BPIFA2: variants seen among roughly 807,000 people sequenced by gnomAD.
BPIFA2 encodes the protein BPI fold-containing family A member 2.
In BPIFA2, 20 loss-of-function variants were observed where a neutral mutation model predicts 25.7. The observed-to-expected ratio is 0.78, with a 90% confidence interval of 0.55 to 1.13. BPIFA2 has a LOEUF of 1.13. BPIFA2 is among the 50% of genes most tolerant of loss of function. The probability of loss-of-function intolerance (pLI) is 0.00; values close to 1 mark genes in which losing one functional copy is unlikely to be tolerated. For missense variants in BPIFA2, 300 were observed against 298.1 expected (o/e 1.01, Z -0.05); for synonymous variants, 126 against 124.3 (o/e 1.01, Z -0.09).
intron 1 of BPIFA2, among the ~76,000 whole-genome samples, chr20:33,163,002 C>T (rs771044148): frequency 6.6e-6 from 1 of 152,200 alleles, no homozygotes; most frequent in Admixed American, 6.5e-5. Flanking sequence ...AAGAACTGTA[C>T]CTGCTTTGTG....
intron 7 of BPIFA2, among the ~76,000 whole-genome samples, chr20:33,180,157 G>A (rs1488160704): frequency 2.0e-5 from 3 of 151,950 alleles, no homozygotes; most frequent in Admixed American, 1.3e-4. Flanking sequence ...GGCGGACATC[G>A]CAGGTAGCCG....
chr20:33,175,108 A>G (rs1226066276), intron 4 of BPIFA2, among the ~76,000 whole-genome samples: 1 of 152,214 alleles, frequency 6.6e-6, no homozygotes, highest in African/African-American at 2.4e-5. Flanking sequence ...CAGGTAAAAT[A>G]CTTTTTTAAA....
chr20:33,180,626 C>T, intron 8 of BPIFA2, 29 bp downstream of exon 8: 2 of 1,521,080 alleles, frequency 1.3e-6, no homozygotes, highest in Non-Finnish European at 1.8e-6. Context: ...TGCCCCAATG[C>T]ACAGGGGCCT....
At position 33,169,299 on chromosome 20, in the gene BPIFA2, A is replaced by G. The variant is rs774127829; in HGVS notation, c.154A>G (p.Lys52Glu). ...EGLETVDNTL[K>E]GILEKLKVDL... ...ACTTGAGACAGTTGACAATACTCTT[A>G]AAGGTAAATCAACAAGGGTGATGAA... Residue 52 changes from lysine (K) to glutamate (E), a missense_variant, in exon 2 of 9, where the codon AAA becomes GAA. Lys to Glu is a moderately conservative substitution (Grantham distance 56, BLOSUM62 1). Transcript: ENST00000354932. 3.1e-6 allele frequency: 5 copies of G among 1,613,752 alleles called. No individual in the cohort carries two copies. In the East Asian group the frequency reaches 6.7e-5, roughly 22 times the overall value.
chr20:33,172,411 A>AT (rs199625861), intron 2 of BPIFA2, among the ~76,000 whole-genome samples: 1,579 of 152,002 alleles, frequency 0.01, 36 homozygotes, highest in African/African-American at 0.037. Flanking sequence ...TAAAAAAAAA[A>AT]AATTATTATT....
chr20:33,172,961 G>A lies in BPIFA2; in HGVS notation c.187G>A (p.Gly63Arg), dbSNP rs868643433. The A allele has an allele frequency of 6.2e-7, 1 of 1,613,900 alleles. No homozygotes were observed. The highest frequency in any genetic ancestry group is 8.5e-7 in the Non-Finnish European group (1 of 1,179,926). Residue 63 changes from glycine to arginine, a missense_variant, in exon 3 of 9, where the codon GGA becomes AGA. Transcript: ENST00000354932. ...GILEKLKVDL[G>R]VLQKSSAWQL... ...CCTTGAGAAACTGAAGGTCGACCTAGGAGTGCTTCAGAAATCCAGTGCTTG... is the reference window on the plus strand; with the variant it reads ...CCTTGAGAAACTGAAGGTCGACCTAAGAGTGCTTCAGAAATCCAGTGCTTG...
chr20:33,173,251 T>C (rs567787338), intron 3 of BPIFA2, among the ~76,000 whole-genome samples, 175 bp downstream of exon 3: 1 of 152,318 alleles, frequency 6.6e-6, no homozygotes, highest in African/African-American at 2.4e-5. Flanking sequence ...GAGGCAGGGC[T>C]ACAGAGTCAA....
chr20:33,167,742 C>T (rs1983767517), upstream of BPIFA2, among the ~76,000 whole-genome samples: 1 of 152,200 alleles, frequency 6.6e-6, no homozygotes, highest in African/African-American at 2.4e-5. Flanking sequence ...CGGTCCCTGT[C>T]TTGCTGAATG....
At chr20:33,172,794 C>A in intron 2 of BPIFA2, 138 bp from the exon 3 acceptor site, 2 of 939,166 alleles carry the variant, frequency 2.1e-6, no homozygotes, top group Non-Finnish European at 3.1e-6. Context: ...AAAAAGCAGA[C>A]AGTGACAATA....
At chr20:33,170,208 A>G (rs1173636611) in intron 2 of BPIFA2, among the ~76,000 whole-genome samples, 1 of 152,216 alleles carries the variant, frequency 6.6e-6, no homozygotes, top group Non-Finnish European at 1.5e-5. Flanking sequence ...TTTTATTTAA[A>G]GTGTCATTCT....
At chr20:33,180,630 G>A in intron 8 of BPIFA2, 33 bp downstream of exon 8, 1 of 1,508,788 alleles carries the variant, frequency 6.6e-7, no homozygotes, top group Non-Finnish European at 9.2e-7. Context: ...CCAATGCACA[G>A]GGGCCTATGG....
chr20:33,164,108 TCTTTGACCCCATCACA>T (rs1983652822), upstream of BPIFA2, among the ~76,000 whole-genome samples: 1 of 152,318 alleles, frequency 6.6e-6, no homozygotes, highest in East Asian at 1.9e-4. Flanking sequence ...GCTTCAGACA[TCTTTGACCCCATCACA>T]GGGCTTGGGG....
At chr20:33,177,304 G>A (rs181314684) in intron 5 of BPIFA2, among the ~76,000 whole-genome samples, 136 of 151,648 alleles carry the variant, frequency 9.0e-4, no homozygotes, top group African/African-American at 3.1e-3. Flanking sequence ...GCAGTGAGCC[G>A]AGATCGTGCC....
chr20:33,169,226 T>C lies in BPIFA2; in HGVS notation c.81T>C (p.Asn27=). Residue 27 remains asparagine (N), a synonymous_variant, in exon 2 of 9, where the codon AAT becomes AAC. Transcript: ENST00000354932. Reference sequence around the variant, plus strand: ...AGTCTCTTCTTGACAATCTTGGCAATGACCTAAGCAATGTCGTGGATAAGC... The same window carrying C: ...AGTCTCTTCTTGACAATCTTGGCAACGACCTAAGCAATGTCGTGGATAAGC... ...TSESLLDNLG[N]DLSNVVDKLE... 6.2e-7 allele frequency: 1 copy of C among 1,614,102 alleles called. No homozygotes were observed. The highest frequency in any genetic ancestry group is 8.5e-7 in the Non-Finnish European group (1 of 1,179,930).
rs1250908276 is a variant in BPIFA2, at chr20:33,169,192, G to A, written c.47G>A (p.Gly16Glu). Reference sequence around the variant, plus strand: ...GTTCTCCTGTGCGGCGTGCTCACTGGGACCTCAGAGTCTCTTCTTGACAAT... The same window carrying A: ...GTTCTCCTGTGCGGCGTGCTCACTGAGACCTCAGAGTCTCTTCTTGACAAT... ...KLVLLCGVLT[G>E]TSESLLDNLG... Residue 16 changes from glycine (G) to glutamate (E), a missense_variant, in exon 2 of 9, where the codon GGG becomes GAG. By Grantham distance (98) the Gly-to-Glu change is moderately conservative (BLOSUM62 -2). Transcript: ENST00000354932. 6.2e-7 allele frequency: 1 copy of A among 1,614,090 alleles called. No individual in the cohort carries two copies. Among genetic ancestry groups the A allele is most frequent in the Non-Finnish European group, 8.5e-7 (1 of 1,179,966 alleles).
At position 33,179,642 on chromosome 20, in the gene BPIFA2, T is replaced by C. The variant is rs781073615; in HGVS notation, c.684T>C (p.Asp228=). Residue 228 remains aspartate (D), a synonymous_variant, in exon 7 of 9, where the codon GAT becomes GAC. Transcript: ENST00000354932. ...TCCGCATCTTCATCCACTCCCTGGA[T>C]GTGAATGTCATTCAGCAGGTCGTCG... is the stretch of plus-strand genomic sequence containing the variant. ...PLIRIFIHSL[D]VNVIQQVVDN... The C allele has an allele frequency of 1.2e-6, 2 of 1,612,986 alleles. No individual in the cohort carries two copies. The highest frequency in any genetic ancestry group is 2.7e-5 in the African/African-American group (2 of 74,896).
intron 1 of BPIFA2, among the ~76,000 whole-genome samples, chr20:33,163,076 A>G (rs1181514523): frequency 6.6e-6 from 1 of 152,178 alleles, no homozygotes; most frequent in Non-Finnish European, 1.5e-5. Context: ...GGATGGACAC[A>G]TGTGGGGGTG....
upstream of BPIFA2, among the ~76,000 whole-genome samples, chr20:33,164,282 G>A (rs1448275428): frequency 6.6e-6 from 1 of 152,204 alleles, no homozygotes; most frequent in Non-Finnish European, 1.5e-5. Flanking sequence ...GATGAGAGAG[G>A]GCACAGAGAG....
At position 33,175,416 on chromosome 20, in the gene BPIFA2, T is replaced by C. The variant is rs1399571617; in HGVS notation, c.420T>C (p.Ile140=). 6.2e-7 allele frequency: 1 copy of C among 1,613,830 alleles called. No individual in the cohort carries two copies. The highest frequency in any genetic ancestry group is 8.5e-7 in the Non-Finnish European group (1 of 1,179,828). Residue 140 remains isoleucine (I), a synonymous_variant, in exon 5 of 9, where the codon ATT becomes ATC. Transcript: ENST00000354932. The part of the protein sequence containing the change: ...TANVTVAGPI[I]GQIINLKASL... Reference sequence around the variant, plus strand: ...ATCTTACTTCCTGCAGGCCCATCATTGGCCAGATTATCAACCTGAAAGCCT... The same window carrying C: ...ATCTTACTTCCTGCAGGCCCATCATCGGCCAGATTATCAACCTGAAAGCCT...
Sources: allele counts gnomAD v4.1 joint callset (sites outside exome capture counted in the v4.1 genomes callset), GRCh38; gene constraint gnomAD v4.1.1; transcripts MANE v1.5; gene names NCBI Gene and HGNC (gene_info 2026-07-23, HGNC 2026-07-21).